DRAM2: variants seen among roughly 807,000 people sequenced by gnomAD.
DRAM2 encodes the protein DNA damage-regulated autophagy modulator protein 2.
In DRAM2, 26 loss-of-function variants were observed where a neutral mutation model predicts 33.5. That is an observed-to-expected ratio of 0.78 (90% CI 0.57 to 1.08). The LOEUF (loss-of-function observed/expected upper bound fraction) is 1.08, where lower values mean the gene tolerates loss of function less well. Ranked by LOEUF, DRAM2 falls within the 50% of genes least tolerant of loss-of-function variation. The pLI is 0.00. For synonymous variants in DRAM2, 98 were observed against 109.5 expected (o/e 0.89, Z 0.66); for missense variants, 311 against 318.1 (o/e 0.98, Z 0.17).
At chr1:111,122,125 G>A (rs1650166661) in intron 6 of DRAM2, among the ~76,000 whole-genome samples, 1 of 152,084 alleles carries the variant, frequency 6.6e-6, no homozygotes, top group African/African-American at 2.4e-5. Flanking sequence ...CAGTTTGGTG[G>A]TTTAGCAAAT....
At chr1:111,119,448 C>T (rs1649540557) in intron 8 of DRAM2, among the ~76,000 whole-genome samples, 1 of 151,868 alleles carries the variant, frequency 6.6e-6, no homozygotes, top group African/African-American at 2.4e-5. Flanking sequence ...TCTCAGAGTC[C>T]CAGATGTTAT....
intron 8 of DRAM2, among the ~76,000 whole-genome samples, chr1:111,119,411 C>A (rs1299420219): frequency 6.6e-6 from 1 of 151,900 alleles, no homozygotes; most frequent in East Asian, 1.9e-4. Flanking sequence ...TCATTTTATT[C>A]TTTAGTATAT....
At chr1:111,120,839 G>T in intron 6 of DRAM2, 146 bp from the exon 7 acceptor site, 1 of 615,158 alleles carries the variant, frequency 1.6e-6, no homozygotes, top group Non-Finnish European at 2.5e-6. Context: ...ATTACTTTCT[G>T]AAGTAATTTT....
intron 3 of DRAM2, among the ~76,000 whole-genome samples, chr1:111,136,274 G>A (rs1307831670): frequency 6.6e-6 from 1 of 152,054 alleles, no homozygotes; most frequent in Admixed American, 6.5e-5. Context: ...TTGAAAAATG[G>A]AATAATGTGA....
intron 4 of DRAM2, among the ~76,000 whole-genome samples, chr1:111,131,093 A>G (rs1469292758): frequency 1.3e-5 from 2 of 152,046 alleles, no homozygotes; most frequent in Non-Finnish European, 2.9e-5. Context: ...TCATATCATT[A>G]TTATTGTTTG....
At chr1:111,130,520 A>G (rs1187720648) in intron 4 of DRAM2, among the ~76,000 whole-genome samples, 2 of 152,104 alleles carry the variant, frequency 1.3e-5, no homozygotes, top group Non-Finnish European at 2.9e-5. Context: ...CCTCACCAAC[A>G]TGGTGAAACC....
At chr1:111,119,991 G>C in intron 7 of DRAM2, 32 bp from the exon 8 acceptor site, 1 of 1,577,092 alleles carries the variant, frequency 6.3e-7, no homozygotes, top group Non-Finnish European at 8.7e-7. Flanking sequence ...AAGAATCTCA[G>C]AGACGATCTC....
At chr1:111,135,137 G>A (rs1179664046) in intron 3 of DRAM2, among the ~76,000 whole-genome samples, 3 of 152,080 alleles carry the variant, frequency 2.0e-5, no homozygotes, top group African/African-American at 4.8e-5. Flanking sequence ...GGTCCTGGCT[G>A]AATGTGGGGC....
Position 111,131,542 on chromosome 1 carries a change from G to T in DRAM2, c.13C>A (p.Gln5Lys). The change falls in exon 4 of 10, where the codon CAG (glutamine) becomes AAG (lysine). Residue 5 changes from glutamine (Q) to lysine (K), a missense_variant. By Grantham distance (53) the Gln-to-Lys change is moderately conservative. Coordinates refer to ENST00000484310, the MANE Select transcript of DRAM2 (RefSeq NM_001349884.2). MWWF[Q>K]QGLSFLPSAL... ...GAAGGAAGGAAACTGAGGCCTTGCT[G>T]AAACCACCACATTTCTAACAGGTTT... is the stretch of plus-strand genomic sequence containing the variant. The T allele has an allele frequency of 6.2e-7, 1 of 1,613,848 alleles. No individual in the cohort carries two copies. Among genetic ancestry groups the T allele is most frequent in the Non-Finnish European group, 8.5e-7 (1 of 1,179,940 alleles).
At chr1:111,119,775 CA>C in intron 8 of DRAM2, 101 bp downstream of exon 8, 4 of 958,844 alleles carry the variant, frequency 4.2e-6, no homozygotes, top group Non-Finnish European at 4.8e-6. Context: ...ATTATTCTAC[CA>C]GAAGACTTTC....
intron 2 of DRAM2, among the ~76,000 whole-genome samples, chr1:111,137,995 A>G (rs1653607332): frequency 6.6e-6 from 1 of 152,240 alleles, no homozygotes; most frequent in African/African-American, 2.4e-5. Context: ...CACAAGTCCT[A>G]CCTTTACTAC....
intron 6 of DRAM2, among the ~76,000 whole-genome samples, chr1:111,121,726 G>C (rs181201143): frequency 2.6e-5 from 4 of 152,164 alleles, no homozygotes; most frequent in African/African-American, 9.6e-5. Context: ...ACAGCAATAA[G>C]AGAATTTTTT....
chr1:111,135,504 T>C (rs1571070089), intron 3 of DRAM2, among the ~76,000 whole-genome samples: 1 of 152,238 alleles, frequency 6.6e-6, no homozygotes, highest in African/African-American at 2.4e-5. Flanking sequence ...AGACCTGTCA[T>C]GAATTTAATG....
chr1:111,135,815 T>C (rs1291514118), intron 3 of DRAM2, among the ~76,000 whole-genome samples: 1 of 152,338 alleles, frequency 6.6e-6, no homozygotes, highest in East Asian at 1.9e-4. Context: ...TCCACTTCTC[T>C]ACCTAAGCAT....
At chr1:111,137,355 C>T (rs1414881049) in intron 3 of DRAM2, among the ~76,000 whole-genome samples, 168 bp downstream of exon 3, 1 of 151,628 alleles carries the variant, frequency 6.6e-6, no homozygotes, top group East Asian at 1.9e-4. Context: ...AAGCAAAGAA[C>T]CTAACAGATT....
chr1:111,121,966 G>A (rs1287314717), intron 6 of DRAM2, among the ~76,000 whole-genome samples: 1 of 152,098 alleles, frequency 6.6e-6, no homozygotes, highest in Non-Finnish European at 1.5e-5. Context: ...AACAGTATGT[G>A]AGAGGAAATT....
chr1:111,139,380 T>C (rs1464012245), intron 2 of DRAM2, 121 bp downstream of exon 2: 2 of 152,218 alleles, frequency 1.3e-5, no homozygotes, highest in South Asian at 2.1e-4. Flanking sequence ...CCCGCTGCGA[T>C]AGAATTGAGT....
chr1:111,122,992 T>C (rs540571651), intron 6 of DRAM2, among the ~76,000 whole-genome samples: 5 of 152,294 alleles, frequency 3.3e-5, no homozygotes, highest in African/African-American at 4.8e-5. Flanking sequence ...AGAACTGCTA[T>C]TGGAATTTGC....
chr1:111,130,229 C>T (rs1651786478), intron 4 of DRAM2, among the ~76,000 whole-genome samples: 1 of 152,148 alleles, frequency 6.6e-6, no homozygotes, highest in Non-Finnish European at 1.5e-5. Context: ...AAGAGCCTAG[C>T]TTCTAGAGTC....
Sources: allele counts gnomAD v4.1 joint callset (sites outside exome capture counted in the v4.1 genomes callset), GRCh38; gene constraint gnomAD v4.1.1; transcripts MANE v1.5; gene names NCBI Gene and HGNC (gene_info 2026-07-23, HGNC 2026-07-21).